The following CACNA2D3 variants were observed in gnomAD, a reference collection of about 807,000 sequenced individuals.
CACNA2D3 encodes the protein calcium voltage-gated channel auxiliary subunit alpha2delta 3.
CACNA2D3 carries 60 observed loss-of-function variants against 160.6 expected under a neutral mutation model. The observed-to-expected ratio is 0.37, with a 90% CI of 0.30 to 0.46. The LOEUF is 0.46. Among genes scored for constraint, CACNA2D3 ranks in the 20% least tolerant of loss-of-function variants. The pLI, the probability that CACNA2D3 is intolerant of heterozygous loss-of-function variation, is 1.00. For synonymous variants in CACNA2D3, 558 were observed against 492.9 expected (o/e 1.13, Z -1.75); for missense variants, 1,205 against 1,365.0 (o/e 0.88, Z 1.85).
chr3:54,454,447 G>A (rs1575463722), intron 4 of CACNA2D3, among the ~76,000 whole-genome samples: 1 of 152,068 alleles, frequency 6.6e-6, no homozygotes, highest in East Asian at 1.9e-4. Context: ...TTTGCATATG[G>A]TATTTCAAAA....
intron 11 of CACNA2D3, among the ~76,000 whole-genome samples, chr3:54,658,468 A>G (rs568207770): frequency 4.6e-5 from 7 of 152,286 alleles, no homozygotes; most frequent in Non-Finnish European, 7.4e-5. Context: ...GACCATTTGT[A>G]TATCTTCTCT....
At chr3:54,249,387 G>A (rs969733893) in intron 2 of CACNA2D3, among the ~76,000 whole-genome samples, 2 of 152,010 alleles carry the variant, frequency 1.3e-5, no homozygotes, top group Non-Finnish European at 2.9e-5. Context: ...GGCCTGAGTA[G>A]AATAAAAAAT....
chr3:54,880,837 TC>T lies in CACNA2D3; in HGVS notation c.1888del (p.Arg630GlufsTer4). ...ALSRGHGKYFFRGNVTIEEGL... is the reference protein window; with the variant it reads ...ALSRGHGKYFXRGNVTIEEGL... ...TCCAGAGGTCATGGGAAATATTTCT[TC>T]CGAGGGAATGTAACCATCGAAGAAG... On this transcript the variant is annotated frameshift_variant, in exon 21 of 38. Transcript: ENST00000474759. LOFTEE classifies it high-confidence loss of function. The T allele has an allele frequency of 1.2e-6, 2 of 1,613,876 alleles. No individual in the cohort carries two copies. Among genetic ancestry groups the T allele is most frequent in the Non-Finnish European group, 1.7e-6 (2 of 1,179,804 alleles).
At chr3:54,223,194 G>A (rs938647758) in intron 2 of CACNA2D3, among the ~76,000 whole-genome samples, 1 of 152,110 alleles carries the variant, frequency 6.6e-6, no homozygotes, top group South Asian at 2.1e-4. Flanking sequence ...GAATTGTGTC[G>A]TTAGGTGATT....
intron 11 of CACNA2D3, among the ~76,000 whole-genome samples, chr3:54,737,180 ATATGTGTGTGTGTG>A (rs1223931552): frequency 1.1e-5 from 1 of 91,794 alleles, no homozygotes; most frequent in Non-Finnish European, 2.1e-5. Context: ...ATCCATGTGT[ATATGTGTGTGTGTG>A]TGTGTGTGTG....
At chr3:54,780,777 T>G (rs564580274) in intron 13 of CACNA2D3, among the ~76,000 whole-genome samples, 3 of 152,316 alleles carry the variant, frequency 2.0e-5, no homozygotes, top group East Asian at 3.9e-4. Flanking sequence ...AAATCCTTAA[T>G]GAATTAGCAT....
chr3:54,632,068 A>C (rs945646885), intron 10 of CACNA2D3: 1 of 152,214 alleles, frequency 6.6e-6, no homozygotes, highest in African/African-American at 2.4e-5. Context: ...AAACACTTTC[A>C]TCACTCTCGC....
At position 55,018,217 on chromosome 3, in the gene CACNA2D3, A is replaced by C. The variant is rs746334828; in HGVS notation, c.2887A>C (p.Lys963Gln). The change falls in exon 35 of 38, where the codon AAA (lysine) becomes CAA (glutamine). Residue 963 changes from lysine to glutamine, a missense_variant. Coordinates refer to ENST00000474759, the MANE Select transcript of CACNA2D3 (RefSeq NM_018398.3). ...SDMTAKAQKLKQTLEPCDTEY... is the reference protein window; with the variant it reads ...SDMTAKAQKLQQTLEPCDTEY... ...CACTATCCCTACAGCCCAGAAATTG[A>C]AACAGACCCTGGAGCCTTGTGATAC... The C allele has an allele frequency of 1.2e-6, 2 of 1,611,590 alleles. No individual in the cohort carries two copies. Among genetic ancestry groups the C allele is most frequent in the Non-Finnish European group, 1.7e-6 (2 of 1,178,058 alleles).
intron 2 of CACNA2D3, among the ~76,000 whole-genome samples, chr3:54,198,765 T>A (rs1054303294): frequency 3.9e-5 from 6 of 152,272 alleles, no homozygotes; most frequent in African/African-American, 1.4e-4. Context: ...GTGGCGTCCT[T>A]GCAGCCCCAG....
At chr3:54,745,842 A>T (rs562664267) in intron 11 of CACNA2D3, among the ~76,000 whole-genome samples, 1 of 152,122 alleles carries the variant, frequency 6.6e-6, no homozygotes, top group Middle Eastern at 3.4e-3. Flanking sequence ...ACCGCACTTG[A>T]GGTATCAGGC....
chr3:54,951,483 G>T (rs1701755369), intron 27 of CACNA2D3, among the ~76,000 whole-genome samples: 1 of 152,206 alleles, frequency 6.6e-6, no homozygotes, highest in Non-Finnish European at 1.5e-5. Context: ...GGGGTGGGGG[G>T]CTGCTGTCCT....
At chr3:54,886,592 A>T (rs1699930699) in intron 23 of CACNA2D3, among the ~76,000 whole-genome samples, 1 of 152,198 alleles carries the variant, frequency 6.6e-6, no homozygotes, top group Admixed American at 6.5e-5. Context: ...CCTCCCAAAG[A>T]GAATGACCTT....
intron 3 of CACNA2D3, among the ~76,000 whole-genome samples, chr3:54,341,479 A>C (rs888969325): frequency 5.9e-5 from 9 of 151,962 alleles, no homozygotes; most frequent in Non-Finnish European, 1.3e-4. Flanking sequence ...GAATGGGAGC[A>C]CTCCAGCGTT....
chr3:54,262,065 G>A (rs1235841096), intron 2 of CACNA2D3, among the ~76,000 whole-genome samples: 1 of 152,210 alleles, frequency 6.6e-6, no homozygotes, highest in South Asian at 2.1e-4. Flanking sequence ...ATTTTTTGCT[G>A]CTGCTCTCTA....
intron 2 of CACNA2D3, among the ~76,000 whole-genome samples, chr3:54,307,111 T>A (rs930427960): frequency 6.6e-6 from 1 of 152,092 alleles, no homozygotes; most frequent in African/African-American, 2.4e-5. Context: ...TCTGGAGGCA[T>A]TTGAGTTAGT....
intron 6 of CACNA2D3, among the ~76,000 whole-genome samples, chr3:54,569,275 A>G (rs923208113): frequency 6.6e-6 from 1 of 152,210 alleles, no homozygotes; most frequent in Admixed American, 6.5e-5. Flanking sequence ...CAATGTGGAA[A>G]GCCAGGCCAA....
intron 11 of CACNA2D3, among the ~76,000 whole-genome samples, chr3:54,649,774 A>G (rs1699723672): frequency 6.6e-6 from 1 of 152,240 alleles, no homozygotes; most frequent in Non-Finnish European, 1.5e-5. Context: ...ATAACAATGC[A>G]GGCTAGGATT....
Position 54,333,062 on chromosome 3 carries a change from G to A in CACNA2D3, c.321+12504G>A, listed in dbSNP as rs151130486. On this transcript the variant is annotated intron_variant, in intron 3 of 37. Coordinates refer to ENST00000474759, the MANE Select transcript of CACNA2D3 (RefSeq NM_018398.3). The stretch of plus-strand genomic sequence containing the variant: ...GAAGCTGGAGAGGAAGTAGAATGTG[G>A]GACCAGTTGAAGGCATTGAGAAGAG... Among the ~76,000 whole-genome samples the A allele has an allele frequency of 1.2e-4, 18 of 152,282 alleles. No individual in the cohort carries two copies. In the East Asian group the frequency reaches 3.1e-3, roughly 26 times the overall value.
chr3:54,372,086 A>G (rs565334189), intron 3 of CACNA2D3, among the ~76,000 whole-genome samples: 1 of 152,362 alleles, frequency 6.6e-6, no homozygotes, highest in South Asian at 2.1e-4. Context: ...AGGGCCTCAG[A>G]GATGGCTTTG....
Sources: gnomAD v4.1 joint callset for allele counts (sites outside exome capture counted in the v4.1 genomes callset) on GRCh38, gnomAD v4.1.1 for gene constraint, MANE v1.5 for transcripts, NCBI Gene and HGNC (gene_info 2026-07-23, HGNC 2026-07-21) for gene names.